Variants in VEGFC observed in about 807,000 individuals in gnomAD.
VEGFC encodes the protein vascular endothelial growth factor C, also known as FLT4 ligand DHM.
A neutral mutation model predicts 46.1 loss-of-function variants in VEGFC; 12 were observed. The observed-to-expected ratio is 0.26, with a 90% CI of 0.17 to 0.42. The LOEUF is 0.42. Ranked by LOEUF, VEGFC falls within the 10% of genes least tolerant of loss-of-function variation. The probability of loss-of-function intolerance (pLI) is 1.00; values close to 1 mark genes in which losing one functional copy is unlikely to be tolerated. For missense variants in VEGFC, 488 were observed against 529.4 expected (o/e 0.92, Z 0.77); for synonymous variants, 232 against 195.5 (o/e 1.19, Z -1.56).
intron 1 of VEGFC, among the ~76,000 whole-genome samples, chr4:176,760,692 A>C (rs926036289): frequency 2.0e-5 from 3 of 152,194 alleles, no homozygotes; most frequent in African/African-American, 7.2e-5. Flanking sequence ...ACAGAATGAA[A>C]GACTTAGCCC....
intron 4 of VEGFC, among the ~76,000 whole-genome samples, chr4:176,693,810 G>A (rs1222357169): frequency 2.8e-5 from 4 of 144,308 alleles, no homozygotes; most frequent in Admixed American, 2.7e-4. Context: ...AGAAGAGAGT[G>A]GGGGCCAATA....
intron 1 of VEGFC, among the ~76,000 whole-genome samples, chr4:176,769,462 T>C (rs933442740): frequency 6.6e-6 from 1 of 152,178 alleles, no homozygotes; most frequent in African/African-American, 2.4e-5. Flanking sequence ...TTTAGCAACA[T>C]GGAGGTCACT....
At chr4:176,743,043 A>AAG (rs1217276289) in intron 1 of VEGFC, among the ~76,000 whole-genome samples, 1 of 152,072 alleles carries the variant, frequency 6.6e-6, no homozygotes, top group Non-Finnish European at 1.5e-5. Flanking sequence ...GAAGAAGCAG[A>AAG]TACTGAAGGC....
At chr4:176,722,129 T>C (rs954355023) in intron 3 of VEGFC, among the ~76,000 whole-genome samples, 3 of 151,410 alleles carry the variant, frequency 2.0e-5, no homozygotes, top group Non-Finnish European at 4.4e-5. Flanking sequence ...ACCAATAGGA[T>C]AGAAAAAAAA....
At chr4:176,749,473 C>G (rs1288216590) in intron 1 of VEGFC, among the ~76,000 whole-genome samples, 1 of 151,546 alleles carries the variant, frequency 6.6e-6, no homozygotes, top group Non-Finnish European at 1.5e-5. Context: ...AAAATGTGTA[C>G]TTTATTTACC....
intron 1 of VEGFC, among the ~76,000 whole-genome samples, chr4:176,768,583 C>A (rs1735672658): frequency 6.9e-6 from 1 of 145,342 alleles, no homozygotes; most frequent in South Asian, 2.2e-4. Flanking sequence ...GAGAGATGGC[C>A]CTCCAGGGGC....
At chr4:176,744,008 G>C (rs1034946081) in intron 1 of VEGFC, among the ~76,000 whole-genome samples, 1 of 151,904 alleles carries the variant, frequency 6.6e-6, no homozygotes, top group Non-Finnish European at 1.5e-5. Context: ...TTTGTTACTA[G>C]ATTTTTAAAG....
At chr4:176,720,851 A>T (rs1352299235) in intron 3 of VEGFC, among the ~76,000 whole-genome samples, 1 of 151,830 alleles carries the variant, frequency 6.6e-6, no homozygotes, top group Non-Finnish European at 1.5e-5. Context: ...CTAAAAAAAA[A>T]AAAAAAAAAA....
chr4:176,725,673 T>G (rs990429144), intron 3 of VEGFC, among the ~76,000 whole-genome samples: 3 of 152,158 alleles, frequency 2.0e-5, no homozygotes, highest in African/African-American at 2.4e-5. Context: ...ATTGCTTAAC[T>G]GAATTATTTT....
rs753457751 is a variant in VEGFC at position 176,687,438 on chromosome 4, C to T, written c.894G>A (p.Gly298=). ...EETCQCVCRA[G]LRPASCGPHK... ...GGGGTCCACAGCTGGCAGGCCGAAG[C>T]CCCGCTCTGCAGACACACTGACAGG... The change falls in exon 6 of 7, where the codon GGG becomes GGA. Residue 298 remains glycine (G), a synonymous_variant. Transcript: ENST00000618562. The T allele has an allele frequency of 1.2e-6, 2 of 1,614,140 alleles. No homozygotes were observed. The highest frequency in any genetic ancestry group is 1.7e-6 in the Non-Finnish European group (2 of 1,180,022).
intron 1 of VEGFC, among the ~76,000 whole-genome samples, chr4:176,788,827 A>G (rs1332052643): frequency 6.6e-6 from 1 of 152,188 alleles, no homozygotes; most frequent in Non-Finnish European, 1.5e-5. Context: ...TTTTAAAAGA[A>G]AAAAAGGAAA....
At chr4:176,718,260 A>G (rs1041879394) in intron 3 of VEGFC, among the ~76,000 whole-genome samples, 1 of 127,662 alleles carries the variant, frequency 7.8e-6, no homozygotes, top group African/African-American at 3.9e-5. Flanking sequence ...TGCTAAAGAT[A>G]CAATACAAAT....
chr4:176,742,967 T>C (rs1336723426), intron 1 of VEGFC, among the ~76,000 whole-genome samples: 1 of 152,024 alleles, frequency 6.6e-6, no homozygotes, highest in African/African-American at 2.4e-5. Flanking sequence ...AATATTACAA[T>C]GATAAGCAAC....
In VEGFC at chr4:176,710,204, G is replaced by C. The variant is rs138702948; in HGVS notation, c.704+1295C>G. 4.9e-3 allele frequency among the ~76,000 whole-genome samples: 752 copies of C among 152,232 alleles called. 3 individuals are homozygous for C. Among genetic ancestry groups the C allele is most frequent in the Non-Finnish European group, 7.0e-3 (479 of 68,012 alleles). On this transcript the variant is annotated intron_variant, in intron 4 of 6. Transcript: ENST00000618562. ...TGGTTAGATCTTCAAATGTCATTTTGGAAGCCATGAGTATGGAGATAATGG... is the reference window on the plus strand; with the variant it reads ...TGGTTAGATCTTCAAATGTCATTTTCGAAGCCATGAGTATGGAGATAATGG...
chr4:176,722,131 G>GA (rs746726684), intron 3 of VEGFC, among the ~76,000 whole-genome samples: 15 of 150,846 alleles, frequency 9.9e-5, no homozygotes, highest in East Asian at 1.9e-4. Flanking sequence ...CAATAGGATA[G>GA]AAAAAAAACT....
intron 3 of VEGFC, among the ~76,000 whole-genome samples, chr4:176,723,637 T>C (rs1734826468): frequency 6.6e-6 from 1 of 150,638 alleles, no homozygotes; most frequent in Non-Finnish European, 1.5e-5. Context: ...CATGTGCAGA[T>C]TTGTGACATA....
At chr4:176,741,391 C>T (rs971484960) in intron 1 of VEGFC, among the ~76,000 whole-genome samples, 9 of 151,886 alleles carry the variant, frequency 5.9e-5, no homozygotes, top group Non-Finnish European at 1.2e-4. Flanking sequence ...TCCACAGGCA[C>T]ATTAAAACCC....
intron 1 of VEGFC, among the ~76,000 whole-genome samples, chr4:176,770,871 A>G (rs1579134047): frequency 6.6e-6 from 1 of 151,884 alleles, no homozygotes; most frequent in Non-Finnish European, 1.5e-5. Context: ...AGGGAATCCA[A>G]TTCTGACTTG....
At chr4:176,779,115 T>C (rs1241859479) in intron 1 of VEGFC, among the ~76,000 whole-genome samples, 3 of 152,182 alleles carry the variant, frequency 2.0e-5, no homozygotes, top group Admixed American at 6.5e-5. Flanking sequence ...TAATATTACA[T>C]TAAAATCAAA....
Sources: gnomAD v4.1 joint callset for allele counts (sites outside exome capture counted in the v4.1 genomes callset) on GRCh38, gnomAD v4.1.1 for gene constraint, MANE v1.5 for transcripts, NCBI Gene and HGNC (gene_info 2026-07-23, HGNC 2026-07-21) for gene names.